DCLK1: variants seen among roughly 807,000 people sequenced by gnomAD.
The protein encoded by DCLK1 is doublecortin like kinase 1.
A neutral mutation model predicts 86.2 loss-of-function variants in DCLK1; 16 were observed. The observed-to-expected ratio is 0.19, with a 90% CI of 0.13 to 0.28. The LOEUF is 0.28. DCLK1 is among the 10% of genes least tolerant of loss of function. The probability of loss-of-function intolerance (pLI) is 1.00; values close to 1 mark genes in which losing one functional copy is unlikely to be tolerated. For missense variants in DCLK1, 590 were observed against 940.2 expected (o/e 0.63, Z 4.87); for synonymous variants, 369 against 370.5 (o/e 1.00, Z 0.05).
intron 15 of DCLK1, among the ~76,000 whole-genome samples, chr13:35,794,576 T>G (rs527500222): frequency 2.6e-5 from 4 of 152,352 alleles, no homozygotes; most frequent in African/African-American, 9.6e-5. Context: ...ACTTATTCAA[T>G]GGACATTAAC....
chr13:35,858,958 CCTT>C, intron 5 of DCLK1, among the ~76,000 whole-genome samples: 1 of 152,324 alleles, frequency 6.6e-6, no homozygotes, highest in Non-Finnish European at 1.5e-5. Context: ...GCATTACACA[CCTT>C]CTTGTTGAAT....
intron 3 of DCLK1, among the ~76,000 whole-genome samples, chr13:36,101,030 G>A (rs763310639): frequency 3.9e-5 from 6 of 152,180 alleles, no homozygotes; most frequent in Non-Finnish European, 2.9e-5. Flanking sequence ...TGTCTCATGC[G>A]TAGGGACTCC....
intron 3 of DCLK1, among the ~76,000 whole-genome samples, chr13:36,071,450 T>C (rs866511491): frequency 6.6e-6 from 1 of 152,180 alleles, no homozygotes; most frequent in South Asian, 2.1e-4. Flanking sequence ...TTAAGTAATA[T>C]GTACAGATAG....
intron 3 of DCLK1, among the ~76,000 whole-genome samples, chr13:36,007,690 T>C (rs1284615154): frequency 6.6e-6 from 1 of 152,200 alleles, no homozygotes; most frequent in Non-Finnish European, 1.5e-5. Context: ...CCATACTATT[T>C]GTGAGTAGAA....
intron 3 of DCLK1, among the ~76,000 whole-genome samples, chr13:36,110,206 C>T (rs548269318): frequency 1.3e-5 from 2 of 151,986 alleles, no homozygotes; most frequent in Non-Finnish European, 2.9e-5. Flanking sequence ...AGAAATGGAG[C>T]CAGTGAAGGG....
At chr13:35,952,984 T>G (rs1877786837) in intron 3 of DCLK1, among the ~76,000 whole-genome samples, 1 of 152,220 alleles carries the variant, frequency 6.6e-6, no homozygotes, top group Non-Finnish European at 1.5e-5. Flanking sequence ...GTGACTTAAA[T>G]TCTCTTGCTT....
At chr13:36,092,464 C>CT (rs945031432) in intron 3 of DCLK1, among the ~76,000 whole-genome samples, 9 of 149,110 alleles carry the variant, frequency 6.0e-5, no homozygotes, top group African/African-American at 2.2e-4. Context: ...AGGCATGTCT[C>CT]TTATCCGAGA....
intron 12 of DCLK1, among the ~76,000 whole-genome samples, chr13:35,810,085 G>A (rs559157897): frequency 2.6e-5 from 4 of 152,126 alleles, no homozygotes; most frequent in Non-Finnish European, 5.9e-5. Flanking sequence ...GTAAGAAATA[G>A]GGCTTCTTAC....
At chr13:35,828,341 A>G in intron 8 of DCLK1, 34 bp from the exon 9 acceptor site, 1 of 1,536,174 alleles carries the variant, frequency 6.5e-7, no homozygotes, top group Middle Eastern at 2.0e-4. Context: ...TTAAAATGAA[A>G]CTTAACTTCA....
intron 3 of DCLK1, among the ~76,000 whole-genome samples, chr13:36,024,097 T>C (rs1438947388): frequency 6.6e-6 from 1 of 151,724 alleles, no homozygotes; most frequent in Non-Finnish European, 1.5e-5. Context: ...GGTTTCACCA[T>C]GTTGGCAAGG....
intron 4 of DCLK1, among the ~76,000 whole-genome samples, chr13:35,886,065 G>T (rs1421536475): frequency 6.8e-6 from 1 of 146,640 alleles, no homozygotes; most frequent in African/African-American, 2.6e-5. Flanking sequence ...AGGCTGGAGT[G>T]CAGTGGTGCA....
At chr13:35,888,610 A>G (rs907976503) in intron 4 of DCLK1, among the ~76,000 whole-genome samples, 2 of 152,344 alleles carry the variant, frequency 1.3e-5, no homozygotes, top group African/African-American at 2.4e-5. Flanking sequence ...GACAGCATAT[A>G]GGCTTTTGGA....
At chr13:35,831,759 C>T (rs1289621025) in intron 8 of DCLK1, among the ~76,000 whole-genome samples, 1 of 152,164 alleles carries the variant, frequency 6.6e-6, no homozygotes, top group Non-Finnish European at 1.5e-5. Context: ...TGTCTTCCTC[C>T]TTGACTAAGG....
At chr13:35,816,625 A>T (rs1265444957) in intron 11 of DCLK1, among the ~76,000 whole-genome samples, 1 of 152,160 alleles carries the variant, frequency 6.6e-6, no homozygotes, top group African/African-American at 2.4e-5. Flanking sequence ...TGAGATTCGA[A>T]GATGTAAAGT....
At chr13:35,957,999 C>CCACCACCACTATAAT (rs1878111427) in intron 3 of DCLK1, among the ~76,000 whole-genome samples, 13 of 145,790 alleles carry the variant, frequency 8.9e-5, no homozygotes, top group African/African-American at 3.0e-4. Flanking sequence ...ACCACCACCA[C>CCACCACCACTATAAT]CATTATCACC....
At chr13:35,909,311 T>G (rs1384324158) in intron 4 of DCLK1, among the ~76,000 whole-genome samples, 2 of 152,152 alleles carry the variant, frequency 1.3e-5, no homozygotes, top group African/African-American at 4.8e-5. Flanking sequence ...AAAGAGGGTG[T>G]GAGAAATGAA....
chr13:35,966,241 A>T (rs1236795441), intron 3 of DCLK1, among the ~76,000 whole-genome samples: 1 of 152,170 alleles, frequency 6.6e-6, no homozygotes, highest in African/African-American at 2.4e-5. Flanking sequence ...TCTCACAAAA[A>T]ATTAAGTGTG....
chr13:35,779,721 A>G (rs943980795), intron 16 of DCLK1, among the ~76,000 whole-genome samples: 1 of 152,204 alleles, frequency 6.6e-6, no homozygotes, highest in Admixed American at 6.5e-5. Context: ...TTATGAATTC[A>G]CTCATCCTAC....
chr13:36,083,518 T>A (rs894927969), intron 3 of DCLK1, among the ~76,000 whole-genome samples: 1 of 152,150 alleles, frequency 6.6e-6, no homozygotes, highest in Non-Finnish European at 1.5e-5. Context: ...TTGGTGCCCA[T>A]ACAATCATCA....
Sources: gnomAD v4.1 joint callset for allele counts (sites outside exome capture counted in the v4.1 genomes callset) on GRCh38, gnomAD v4.1.1 for gene constraint, MANE v1.5 for transcripts, NCBI Gene and HGNC (gene_info 2026-07-23, HGNC 2026-07-21) for gene names.